ADGRL3: variants seen among roughly 807,000 people sequenced by gnomAD.
ADGRL3 encodes calcium-independent alpha-latrotoxin receptor 3.
A neutral mutation model predicts 153.5 loss-of-function variants in ADGRL3; 62 were observed. That is an observed-to-expected ratio of 0.40 (90% confidence interval 0.33 to 0.50). ADGRL3 has a LOEUF of 0.50. Ranked by LOEUF, ADGRL3 falls within the 20% of genes least tolerant of loss-of-function variation. The pLI is 0.47. For missense variants in ADGRL3, 1,641 were observed against 1,859.4 expected (o/e 0.88, Z 2.16); for synonymous variants, 710 against 672.5 (o/e 1.06, Z -0.86).
At chr4:61,888,825 T>A (rs967623407) in intron 9 of ADGRL3, among the ~76,000 whole-genome samples, 3 of 152,232 alleles carry the variant, frequency 2.0e-5, no homozygotes, top group Admixed American at 2.0e-4. Flanking sequence ...TTGTTATTGC[T>A]TCATAAGAGT....
intron 19 of ADGRL3, among the ~76,000 whole-genome samples, chr4:61,987,896 T>A: frequency 6.6e-6 from 1 of 152,218 alleles, no homozygotes; most frequent in African/African-American, 2.4e-5. Flanking sequence ...TTTATTATAC[T>A]GACAATGAGG....
At chr4:61,876,456 T>C (rs1012142777) in intron 9 of ADGRL3, among the ~76,000 whole-genome samples, 3 of 152,136 alleles carry the variant, frequency 2.0e-5, no homozygotes, top group Non-Finnish European at 4.4e-5. Flanking sequence ...AAGAATGAAA[T>C]TTTGAATTCT....
At chr4:61,344,436 T>G (rs1044461081) in intron 1 of ADGRL3, among the ~76,000 whole-genome samples, 1 of 152,212 alleles carries the variant, frequency 6.6e-6, no homozygotes, top group African/African-American at 2.4e-5. Context: ...AGAGACTAAT[T>G]GTAATTCTGC....
chr4:61,950,983 G>A (rs766737236), intron 17 of ADGRL3, among the ~76,000 whole-genome samples: 5 of 152,184 alleles, frequency 3.3e-5, no homozygotes, highest in Non-Finnish European at 7.3e-5. Context: ...AGCTTTCACT[G>A]TAGTTAGAAA....
At chr4:61,399,225 A>G (rs77000431) in intron 2 of ADGRL3, among the ~76,000 whole-genome samples, 1 of 151,654 alleles carries the variant, frequency 6.6e-6, no homozygotes, top group Non-Finnish European at 1.5e-5. Flanking sequence ...TTAGTTAAGG[A>G]TGTATAATAT....
chr4:61,443,777 A>G lies in ADGRL3; in HGVS notation c.-173-53344A>G, dbSNP rs559266905. Among the ~76,000 whole-genome samples the G allele has an allele frequency of 2.0e-5, 3 of 152,290 alleles. No individual in the cohort carries two copies. The East Asian group carries it at 5.8e-4, about 29-fold the overall frequency. On this transcript the variant is annotated intron_variant, in intron 2 of 26. Coordinates refer to ENST00000683033, the MANE Select transcript of ADGRL3 (RefSeq NM_001387552.1). ...TGGAGATAAGCCATAACTAATCTCA[A>G]ATATCAAAATCGTTTCATTGTTAGA...
intron 17 of ADGRL3, among the ~76,000 whole-genome samples, chr4:61,957,705 A>T (rs559374612): frequency 6.6e-6 from 1 of 151,828 alleles, no homozygotes; most frequent in South Asian, 2.1e-4. Flanking sequence ...TTGTACAAGG[A>T]CACTGCTGTT....
chr4:61,518,420 G>T (rs887336615), intron 4 of ADGRL3, among the ~76,000 whole-genome samples: 1 of 152,068 alleles, frequency 6.6e-6, no homozygotes, highest in African/African-American at 2.4e-5. Context: ...ACTAGCAAAA[G>T]AACATGAAAC....
At chr4:61,329,964 G>T (rs1193439472) in intron 1 of ADGRL3, among the ~76,000 whole-genome samples, 1 of 152,148 alleles carries the variant, frequency 6.6e-6, no homozygotes, top group African/African-American at 2.4e-5. Context: ...GAAGGAAATT[G>T]CAATCACTTT....
intron 5 of ADGRL3, among the ~76,000 whole-genome samples, chr4:61,626,074 A>G (rs1163353915): frequency 2.0e-5 from 3 of 152,044 alleles, no homozygotes; most frequent in African/African-American, 7.2e-5. Context: ...ATTTGACCTT[A>G]AAATCAAATT....
chr4:61,397,332 C>A (rs978584410), intron 2 of ADGRL3, among the ~76,000 whole-genome samples: 2 of 151,796 alleles, frequency 1.3e-5, no homozygotes, highest in African/African-American at 2.4e-5. Flanking sequence ...AATTAAGGAA[C>A]AAGACAGATG....
At chr4:61,730,437 T>A (rs2096419912) in intron 6 of ADGRL3, among the ~76,000 whole-genome samples, 185 bp from the exon 7 acceptor site, 1 of 151,920 alleles carries the variant, frequency 6.6e-6, no homozygotes, top group Admixed American at 6.6e-5. Context: ...ATATGATTAT[T>A]TTTAAATAAC....
chr4:61,239,980 C>T (rs1754294624), intron 1 of ADGRL3, among the ~76,000 whole-genome samples: 1 of 152,092 alleles, frequency 6.6e-6, no homozygotes, highest in South Asian at 2.1e-4. Context: ...TTCAGACCTA[C>T]CTCATTGGGA....
intron 21 of ADGRL3, among the ~76,000 whole-genome samples, chr4:62,006,536 A>T (rs1444979364): frequency 1.3e-5 from 2 of 150,070 alleles, no homozygotes; most frequent in Non-Finnish European, 3.0e-5. Context: ...AAGTTGGAGT[A>T]GTGAAAGCTG....
intron 17 of ADGRL3, among the ~76,000 whole-genome samples, chr4:61,964,378 T>C (rs950184051): frequency 6.6e-6 from 1 of 152,208 alleles, no homozygotes; most frequent in African/African-American, 2.4e-5. Context: ...TGTAGTTAAC[T>C]CTCAAGGCAC....
At chr4:61,785,659 C>T (rs2097267995) in intron 8 of ADGRL3, among the ~76,000 whole-genome samples, 1 of 152,162 alleles carries the variant, frequency 6.6e-6, no homozygotes, top group African/African-American at 2.4e-5. Context: ...TAGTCTCTCT[C>T]TTTCTCCTTC....
At chr4:61,708,681 A>C (rs2095900947) in intron 6 of ADGRL3, among the ~76,000 whole-genome samples, 1 of 152,184 alleles carries the variant, frequency 6.6e-6, no homozygotes, top group Admixed American at 6.5e-5. Flanking sequence ...CAAAAACAAT[A>C]AAAAATTCAA....
At chr4:61,325,053 C>A (rs1014532088) in intron 1 of ADGRL3, among the ~76,000 whole-genome samples, 1 of 152,094 alleles carries the variant, frequency 6.6e-6, no homozygotes, top group African/African-American at 2.4e-5. Flanking sequence ...GTGGCTCATG[C>A]CTATAATCCT....
chr4:61,974,037 G>T (rs779717019), intron 17 of ADGRL3, among the ~76,000 whole-genome samples: 1 of 151,926 alleles, frequency 6.6e-6, no homozygotes, highest in South Asian at 2.1e-4. Context: ...GCGTGGTCTC[G>T]GCTCACTGCA....
Sources: gnomAD v4.1 joint callset for allele counts (sites outside exome capture counted in the v4.1 genomes callset) on GRCh38, gnomAD v4.1.1 for gene constraint, MANE v1.5 for transcripts, NCBI Gene and HGNC (gene_info 2026-07-23, HGNC 2026-07-21) for gene names.